Variants in ANLN observed in about 807,000 individuals in gnomAD.
ANLN encodes the protein anillin, actin binding protein.
In ANLN, 59 loss-of-function variants were observed where a neutral mutation model predicts 135.1. That is an observed-to-expected ratio of 0.44 (90% CI 0.35 to 0.54). ANLN has a LOEUF of 0.54. Among genes scored for constraint, ANLN ranks in the 20% least tolerant of loss-of-function variants. ANLN has a pLI of 0.00. For synonymous variants in ANLN, 406 were observed against 456.4 expected (o/e 0.89, Z 1.41); for missense variants, 1,182 against 1,340.0 (o/e 0.88, Z 1.84).
Position 36,452,649 on chromosome 7 carries a change from AAC to A in ANLN, c.*54_*55del, listed in dbSNP as rs1789296225. 4 of 1,601,266 alleles carry A rather than the reference AAC, an allele frequency of 2.5e-6. No homozygotes were observed. Among genetic ancestry groups the A allele is most frequent in the South Asian group, 1.1e-5 (1 of 90,110 alleles). The stretch of plus-strand genomic sequence containing the variant: ...AGAGGTTTTTGATGTCATCTTAAGA[AAC>A]ACACTTAAGAGCATCAGATTTACTG... On this transcript the variant is annotated 3_prime_UTR_variant, in exon 24 of 24. Transcript: ENST00000265748.
At chr7:36,440,094 T>C (rs567759544) in intron 21 of ANLN, among the ~76,000 whole-genome samples, 1 of 152,324 alleles carries the variant, frequency 6.6e-6, no homozygotes, top group East Asian at 1.9e-4. Context: ...GAATTTTAGA[T>C]GCCTGGAAAC....
intron 5 of ANLN, 87 bp from the exon 6 acceptor site, chr7:36,410,427 C>A (rs1787361985): frequency 3.6e-6 from 4 of 1,123,494 alleles, no homozygotes; most frequent in Non-Finnish European, 4.9e-6. Flanking sequence ...CATTTTGAAG[C>A]TGTAATGTAG....
rs1265113864 is a variant in ANLN at position 36,450,329 on chromosome 7, C to T, written c.3251+492C>T. ...TAACCCTGATCTCAAGTGTAAGATACGAAGGCTTATTGCTAGGATTCTAAG... is the reference window on the plus strand; with the variant it reads ...TAACCCTGATCTCAAGTGTAAGATATGAAGGCTTATTGCTAGGATTCTAAG... On this transcript the variant is annotated intron_variant, in intron 23 of 23. Transcript: ENST00000265748. Among the ~76,000 whole-genome samples the T allele has an allele frequency of 3.3e-5, 5 of 152,234 alleles. No individual in the cohort carries two copies. The East Asian group carries it at 7.7e-4, about 23-fold the overall frequency.
At chr7:36,434,134 A>G (rs372992438) in intron 20 of ANLN, among the ~76,000 whole-genome samples, 14 of 152,152 alleles carry the variant, frequency 9.2e-5, no homozygotes, top group Non-Finnish European at 1.9e-4. Context: ...AATAGGTAAT[A>G]CCTTGTTCTT....
rs1420200049 is a variant in ANLN, at chr7:36,438,188, T to C, written c.2884-1016T>C. 5.3e-5 allele frequency among the ~76,000 whole-genome samples: 8 copies of C among 152,356 alleles called. No individual in the cohort carries two copies. The East Asian group carries it at 1.5e-3, about 29-fold the overall frequency. On this transcript the variant is annotated intron_variant, in intron 20 of 23. Transcript: ENST00000265748. ...TGAGGTGAAGGTCCACCATCACTCTTGGTGGGTGTGGATATCTAATTTTCT... is the reference window on the plus strand; with the variant it reads ...TGAGGTGAAGGTCCACCATCACTCTCGGTGGGTGTGGATATCTAATTTTCT...
Position 36,452,578 on chromosome 7 carries a change from A to G in ANLN, c.3353A>G (p.Tyr1118Cys). ...CGCCTCTGGCAACCTGATGCTTGCT[A>G]CAAACCTATTGGAAAGCCTTAAACC... ...DIRLWQPDAC[Y>C]KPIGKP The change falls in exon 24 of 24, where the codon TAC becomes TGC. Residue 1118 changes from tyrosine (Y) to cysteine (C), a missense_variant. Tyr to Cys is a radical substitution (Grantham distance 194). Around this residue, in one of 3 missense-constraint regions of ANLN, gnomAD observed 78 missense variants for 72.7 expected, o/e 1.07. Transcript: ENST00000265748. 6.2e-7 allele frequency: 1 copy of G among 1,614,074 alleles called. No homozygotes were observed. Among genetic ancestry groups the G allele is most frequent in the Non-Finnish European group, 8.5e-7 (1 of 1,179,952 alleles).
intron 2 of ANLN, among the ~76,000 whole-genome samples, chr7:36,398,369 A>G (rs1173645265): frequency 2.6e-5 from 4 of 152,168 alleles, no homozygotes; most frequent in South Asian, 2.1e-4. Context: ...GTTATTTTCC[A>G]TGAAAGAATG....
Position 36,439,278 on chromosome 7 carries a change from AAG to A in ANLN, c.2961_2962del (p.Gly988PhefsTer6), listed in dbSNP as rs1788668932. ...KCQVNSSVEE[R>X]GFLTIFEDVS... ...GTCAAGTGAATTCCAGTGTTGAAGA[AAG>A]AGGTTTTCTAGTAAGTAACATCACT... is the stretch of plus-strand genomic sequence containing the variant. On this transcript the variant is annotated frameshift_variant, in exon 21 of 24. Coordinates refer to ENST00000265748, the MANE Select transcript of ANLN (RefSeq NM_018685.5). LOFTEE classifies it high-confidence loss of function. 6.4e-7 allele frequency: 1 copy of A among 1,565,404 alleles called. No individual in the cohort carries two copies. Among genetic ancestry groups the A allele is most frequent in the Non-Finnish European group, 8.8e-7 (1 of 1,141,840 alleles).
At position 36,422,680 on chromosome 7, in the gene ANLN, G is replaced by T. The variant is rs374099285; in HGVS notation, c.2347G>T (p.Glu783Ter). 1 of 1,611,930 alleles carries T rather than the reference G, an allele frequency of 6.2e-7. No homozygotes were observed. Residue 783 changes from glutamate (E) to a stop codon, truncating the protein, a stop_gained, in exon 14 of 24, where the codon GAA becomes TAA. Coordinates refer to ENST00000265748, the MANE Select transcript of ANLN (RefSeq NM_018685.5). LOFTEE classifies it high-confidence loss of function. Reference protein sequence around the residue: ...LIDELNKLKNEGPQRKNKASP... With the variant: ...LIDELNKLKN ...TGATGAATTGAATAAATTGAAGAACGAAGGACCTCAGAGGAAGAATAAGGC... is the reference window on the plus strand; with the variant it reads ...TGATGAATTGAATAAATTGAAGAACTAAGGACCTCAGAGGAAGAATAAGGC...
rs201281240 is a variant in ANLN at position 36,436,819 on chromosome 7, G to C, written c.2884-2385G>C. Among the ~76,000 whole-genome samples the C allele has an allele frequency of 3.4e-4, 52 of 152,290 alleles. No homozygotes were observed. In the East Asian group the frequency reaches 9.6e-3, roughly 28 times the overall value. ...CAAATTTTCAGTTTGGTTTGTCTGA[G>C]TTGTTTTAGTTGGGTTGTCTTTTTG... On this transcript the variant is annotated intron_variant, in intron 20 of 23. Coordinates refer to ENST00000265748, the MANE Select transcript of ANLN (RefSeq NM_018685.5).
At chr7:36,397,434 T>C (rs1294094133) in intron 2 of ANLN, among the ~76,000 whole-genome samples, 1 of 152,174 alleles carries the variant, frequency 6.6e-6, no homozygotes, top group Non-Finnish European at 1.5e-5. Context: ...TACATTTCGA[T>C]GTTTAGGTAG....
At chr7:36,439,425 T>C (rs1788674551) in intron 21 of ANLN, 135 bp downstream of exon 21, 1 of 587,306 alleles carries the variant, frequency 1.7e-6, no homozygotes. Flanking sequence ...GTCCTTTATA[T>C]GCCAATCACT....
chr7:36,434,850 G>A (rs1165427038), intron 20 of ANLN, among the ~76,000 whole-genome samples: 1 of 152,138 alleles, frequency 6.6e-6, no homozygotes, highest in Non-Finnish European at 1.5e-5. Context: ...AACAGAATGA[G>A]ACTCTGTCTC....
intron 1 of ANLN, 114 bp downstream of exon 1, chr7:36,390,158 G>A (rs1425541999): frequency 1.2e-5 from 19 of 1,571,440 alleles, no homozygotes; most frequent in Admixed American, 1.8e-5. Flanking sequence ...GTGTGTGCGC[G>A]CGTGCGCAGT....
At chr7:36,431,612 TATATA>T (rs1217530414) in intron 20 of ANLN, among the ~76,000 whole-genome samples, 570 of 37,968 alleles carry the variant, frequency 0.015, 3 homozygotes, top group East Asian at 0.036. Flanking sequence ...TATATATATA[TATATA>T]ATATATATAT....
Position 36,435,872 on chromosome 7 carries a change from CAAAAAAAAAAAAAAAAAA to C in ANLN, c.2884-3319_2884-3302del, listed in dbSNP as rs57379889. Among the ~76,000 whole-genome samples, 420 of 52,290 alleles carry C rather than the reference CAAAAAAAAAAAAAAAAAA, an allele frequency of 8.0e-3. 1 individual carries two copies. Among genetic ancestry groups the C allele is most frequent in the Admixed American group, 0.021 (67 of 3,254 alleles). The allele number at this position is 52,290 out of a possible 152,430, so 34.3% of individuals were successfully genotyped here. ...TGGGCGACAGAGCGAGACTCCGTCT[CAAAAAAAAAAAAAAAAAA>C]AAAAAAAAAAAAGATTTATCCATGC... On this transcript the variant is annotated intron_variant, in intron 20 of 23. Transcript: ENST00000265748.
At position 36,419,329 on chromosome 7, in the gene ANLN, A is replaced by G; in HGVS notation, c.1719A>G (p.Leu573=). Residue 573 remains leucine (L), a synonymous_variant, in exon 10 of 24, where the codon CTA becomes CTG. Transcript: ENST00000265748. ...KVINDLFSDV[L]EEGELDMEKS... ...TTAATGACCTCTTCAGTGATGTCCT[A>G]GAGGAAGGTGAACTAGATATGGAGA... The G allele has an allele frequency of 6.2e-7, 1 of 1,614,142 alleles. No individual in the cohort carries two copies. Among genetic ancestry groups the G allele is most frequent in the Non-Finnish European group, 8.5e-7 (1 of 1,180,004 alleles).
At chr7:36,440,686 G>A (rs886659127) in intron 21 of ANLN, among the ~76,000 whole-genome samples, 2 of 152,136 alleles carry the variant, frequency 1.3e-5, no homozygotes, top group Non-Finnish European at 2.9e-5. Context: ...GGCTTATGGG[G>A]TAATTCATAG....
At position 36,399,080 on chromosome 7, in the gene ANLN, G is replaced by T. The variant is rs777230604; in HGVS notation, c.174G>T (p.Glu58Asp). 4 of 1,591,824 alleles carry T rather than the reference G, an allele frequency of 2.5e-6. No homozygotes were observed. In the South Asian group the frequency reaches 4.5e-5, roughly 18 times the overall value. The change falls in exon 3 of 24, where the codon GAG becomes GAT. Residue 58 changes from glutamate (E) to aspartate (D), a missense_variant and splice_region_variant. Physicochemically the swap from Glu to Asp is conservative, Grantham distance 45. This residue lies in a region of ANLN where 1,022 missense variants were observed against 1,134.0 expected (regional missense o/e 0.90). Transcript: ENST00000265748. ...CTTTTTTCATCGTTTTTAATGTAGA[G>T]AAATCTTGTACAAAACCATCGCCAT... ...SNQQPLSGGE[E>D]KSCTKPSPSK...
Sources: gnomAD v4.1 joint callset for allele counts (sites outside exome capture counted in the v4.1 genomes callset) on GRCh38, gnomAD v4.1.1 for gene constraint, gnomAD v4.1.1 regional missense constraint, MANE v1.5 for transcripts, NCBI Gene and HGNC (gene_info 2026-07-23, HGNC 2026-07-21) for gene names.